The following MIA3 variants were observed in gnomAD, a reference collection of about 807,000 sequenced individuals.
MIA3 encodes the protein MIA SH3 domain ER export factor 3.
A neutral mutation model predicts 192.4 loss-of-function variants in MIA3; 90 were observed. That is an observed-to-expected ratio of 0.47 (90% CI 0.39 to 0.56). The LOEUF is 0.56. Among genes scored for constraint, MIA3 ranks in the 20% least tolerant of loss-of-function variants. The pLI, the probability that MIA3 is intolerant of heterozygous loss-of-function variation, is 0.00. For synonymous variants in MIA3, 740 were observed against 792.8 expected (o/e 0.93, Z 1.12); for missense variants, 2,123 against 2,269.4 (o/e 0.94, Z 1.31).
At chr1:222,659,311 TAACC>T (rs927274479) in intron 19 of MIA3, 138 bp from the exon 20 acceptor site, 11 of 696,104 alleles carry the variant, frequency 1.6e-5, no homozygotes, top group Non-Finnish European at 2.4e-5. Context: ...ACTTTTGTTA[TAACC>T]AACCATGTAA....
intron 6 of MIA3, among the ~76,000 whole-genome samples, chr1:222,640,218 T>G (rs945440867): frequency 2.6e-5 from 4 of 152,136 alleles, no homozygotes; most frequent in Non-Finnish European, 4.4e-5. Context: ...AGATAGACCT[T>G]GTTTATGAGT....
chr1:222,627,842 A>G lies in MIA3; in HGVS notation c.622A>G (p.Lys208Glu), dbSNP rs750393674. 1.2e-6 allele frequency: 2 copies of G among 1,614,048 alleles called. No homozygotes were observed. Among genetic ancestry groups the G allele is most frequent in the South Asian group, 2.2e-5 (2 of 91,086 alleles). The change falls in exon 4 of 28, where the codon AAG (lysine) becomes GAG (glutamate). Residue 208 changes from lysine to glutamate, a missense_variant. Coordinates refer to ENST00000344922, the MANE Select transcript of MIA3 (RefSeq NM_198551.4). The stretch of plus-strand genomic sequence containing the variant: ...TCTTCAGGAACAGTTTACAACTCAG[A>G]AGCACCACTCCCATGCAAACAGCCA... Reference protein sequence around the residue: ...EDLQEQFTTQKHHSHANSQAN... With the variant: ...EDLQEQFTTQEHHSHANSQAN...
Position 222,629,829 on chromosome 1 carries a change from A to G in MIA3, c.2609A>G (p.Glu870Gly). The G allele has an allele frequency of 6.2e-7, 1 of 1,613,736 alleles. No homozygotes were observed. Among genetic ancestry groups the G allele is most frequent in the East Asian group, 2.2e-5 (1 of 44,878 alleles). Reference protein sequence around the residue: ...EHLKTSGLAGEPEGELSKEDH... With the variant: ...EHLKTSGLAGGPEGELSKEDH... Reference sequence around the variant, plus strand: ...CTGAAGACCTCAGGGCTTGCAGGGGAGCCTGAGGGAGAACTCTCAAAAGAG... The same window carrying G: ...CTGAAGACCTCAGGGCTTGCAGGGGGGCCTGAGGGAGAACTCTCAAAAGAG... The change falls in exon 4 of 28, where the codon GAG becomes GGG. Residue 870 changes from glutamate to glycine, a missense_variant. Coordinates refer to ENST00000344922, the MANE Select transcript of MIA3 (RefSeq NM_198551.4).
rs915979595 is a variant in MIA3 at position 222,651,512 on chromosome 1, A to G, written c.3910-465A>G. Among the ~76,000 whole-genome samples the G allele has an allele frequency of 2.6e-5, 4 of 152,148 alleles. No homozygotes were observed. The South Asian group carries it at 6.2e-4, about 24-fold the overall frequency. Reference sequence around the variant, plus strand: ...ATCTTCATAAATTATCTAGAATTCTATATGGGTGATCTGTCTATTCTCACT... The same window carrying G: ...ATCTTCATAAATTATCTAGAATTCTGTATGGGTGATCTGTCTATTCTCACT... On this transcript the variant is annotated intron_variant, in intron 11 of 27. Transcript: ENST00000344922.
chr1:222,627,531 G>A (rs765496478), intron 3 of MIA3, 44 bp from the exon 4 acceptor site: 5 of 1,450,870 alleles, frequency 3.4e-6, no homozygotes, highest in Admixed American at 4.5e-5. Context: ...TTGCTCTGGT[G>A]ACACTTGGCT....
intron 2 of MIA3, 95 bp from the exon 3 acceptor site, chr1:222,624,673 T>A: frequency 1.5e-6 from 1 of 662,216 alleles, no homozygotes; most frequent in South Asian, 1.6e-5. Flanking sequence ...GATTGCTTGA[T>A]ATGTGCTGTA....
chr1:222,632,393 TG>T, intron 5 of MIA3, 67 bp downstream of exon 5: 1 of 1,373,928 alleles, frequency 7.3e-7, no homozygotes, highest in South Asian at 1.3e-5. Context: ...GGAGATTCAT[TG>T]TCAAAGGCAG....
In MIA3 at chr1:222,633,146, C is replaced by G; in HGVS notation, c.3374C>G (p.Ala1125Gly). The G allele has an allele frequency of 2.5e-6, 4 of 1,613,832 alleles. No homozygotes were observed. Among genetic ancestry groups the G allele is most frequent in the Non-Finnish European group, 3.4e-6 (4 of 1,179,916 alleles). Reference protein sequence around the residue: ...TEDTPMDAIDANKQPETAAEE... With the variant: ...TEDTPMDAIDGNKQPETAAEE... ...GACACTCCTATGGATGCTATTGATGCAAACAAGCAACCAGAGACAGCCGCC... is the reference window on the plus strand; with the variant it reads ...GACACTCCTATGGATGCTATTGATGGAAACAAGCAACCAGAGACAGCCGCC... The change falls in exon 6 of 28, where the codon GCA (alanine) becomes GGA (glycine). Residue 1125 changes from alanine (A) to glycine (G), a missense_variant. Coordinates refer to ENST00000344922, the MANE Select transcript of MIA3 (RefSeq NM_198551.4).
intron 2 of MIA3, among the ~76,000 whole-genome samples, chr1:222,622,314 GT>G (rs1661908146): frequency 6.6e-6 from 1 of 152,174 alleles, no homozygotes; most frequent in Admixed American, 6.5e-5. Flanking sequence ...TGTCTTATGA[GT>G]TATTGTCCTT....
At chr1:222,662,177 A>G (rs1267717484) in intron 25 of MIA3, 53 bp downstream of exon 25, 34 of 1,599,230 alleles carry the variant, frequency 2.1e-5, no homozygotes, top group Non-Finnish European at 2.9e-5. Flanking sequence ...AAGTGGGGAG[A>G]GGATTTTTTT....
At chr1:222,635,631 G>A (rs1436587596) in intron 6 of MIA3, among the ~76,000 whole-genome samples, 1 of 152,226 alleles carries the variant, frequency 6.6e-6, no homozygotes, top group Non-Finnish European at 1.5e-5. Context: ...AAAGTATCAA[G>A]TAGTTCATAT....
chr1:222,630,004 C>T lies in MIA3; in HGVS notation c.2784C>T (p.Ser928=), dbSNP rs1176408827. ...GGGAGGACTTACTTATCATAAGCAG[C>T]TTCTTTAAAGAACAACAGTCTTTGC... ...DKREDLLIIS[S]FFKEQQSLQR... is the part of the protein sequence containing the mutation. Residue 928 remains serine (S), a synonymous_variant, in exon 4 of 28, where the codon AGC becomes AGT. Transcript: ENST00000344922. 3.1e-6 allele frequency: 5 copies of T among 1,614,018 alleles called. No individual in the cohort carries two copies. The highest frequency in any genetic ancestry group is 4.2e-6 in the Non-Finnish European group (5 of 1,180,050).
rs748809220 is a variant in MIA3 at position 222,629,397 on chromosome 1, C to T, written c.2177C>T (p.Pro726Leu). The T allele has an allele frequency of 2.0e-5, 33 of 1,613,974 alleles. No homozygotes were observed. The South Asian group carries it at 3.6e-4, about 18-fold the overall frequency. ...TCTAAAGTAGAAGAGGATGATTATC[C>T]CTCTGAAGAACTACTAGAGGATGAA... ...FLSKVEEDDYPSEELLEDENA... is the reference protein window; with the variant it reads ...FLSKVEEDDYLSEELLEDENA... The change falls in exon 4 of 28, where the codon CCC (proline) becomes CTC (leucine). Residue 726 changes from proline (P) to leucine (L), a missense_variant. Physicochemically the swap from Pro to Leu is moderately conservative, Grantham distance 98 (BLOSUM62 -3). Coordinates refer to ENST00000344922, the MANE Select transcript of MIA3 (RefSeq NM_198551.4).
intron 6 of MIA3, among the ~76,000 whole-genome samples, chr1:222,633,749 T>C (rs1662507638): frequency 6.6e-6 from 1 of 151,984 alleles, no homozygotes; most frequent in African/African-American, 2.4e-5. Flanking sequence ...GCGGGCAGCA[T>C]GCAGTCAGGC....
chr1:222,633,511 G>A (rs1662497600), intron 6 of MIA3, among the ~76,000 whole-genome samples: 1 of 152,154 alleles, frequency 6.6e-6, no homozygotes, highest in Admixed American at 6.5e-5. Flanking sequence ...TTTCAGTTTA[G>A]CCAGGAGAGA....
At chr1:222,627,389 G>A (rs1207278584) in intron 3 of MIA3, among the ~76,000 whole-genome samples, 186 bp from the exon 4 acceptor site, 1 of 152,238 alleles carries the variant, frequency 6.6e-6, no homozygotes, top group African/African-American at 2.4e-5. Context: ...GTATTACTCA[G>A]ATGGGAAAGT....
At chr1:222,652,960 C>T (rs374942926) in intron 13 of MIA3, 48 bp from the exon 14 acceptor site, 71 of 1,578,224 alleles carry the variant, frequency 4.5e-5, no homozygotes, top group Non-Finnish European at 6.0e-5. Flanking sequence ...CTAATGTCTC[C>T]AGTGCAAAAG....
chr1:222,618,931 A>G (rs1661735240), intron 1 of MIA3, among the ~76,000 whole-genome samples: 1 of 152,112 alleles, frequency 6.6e-6, no homozygotes, highest in Non-Finnish European at 1.5e-5. Flanking sequence ...ACTTTGATCA[A>G]TCCTGTCGTT....
chr1:222,627,458 A>C (rs1297702570), intron 3 of MIA3, 117 bp from the exon 4 acceptor site: 1 of 897,340 alleles, frequency 1.1e-6, no homozygotes, highest in Admixed American at 2.5e-5. Flanking sequence ...GTGTTGACGC[A>C]AAAGCTCCTC....
Sources: allele counts gnomAD v4.1 joint callset (sites outside exome capture counted in the v4.1 genomes callset), GRCh38; gene constraint gnomAD v4.1.1; transcripts MANE v1.5; gene names NCBI Gene and HGNC (gene_info 2026-07-23, HGNC 2026-07-21).